GRAMD4: variants seen among roughly 807,000 people sequenced by gnomAD.
GRAMD4 encodes GRAM domain-containing protein 4.
Under a neutral mutation model 83.9 loss-of-function variants are expected in GRAMD4, and 25 were observed. The ratio of observed to expected loss-of-function variants is 0.30; its 90% CI spans 0.22 to 0.42. The LOEUF (loss-of-function observed/expected upper bound fraction) is 0.42, where lower values mean the gene tolerates loss of function less well. Ranked by LOEUF, GRAMD4 falls within the 10% of genes least tolerant of loss-of-function variation. The probability of loss-of-function intolerance (pLI) is 1.00; values close to 1 mark genes in which losing one functional copy is unlikely to be tolerated. For synonymous variants in GRAMD4, 336 were observed against 320.9 expected (o/e 1.05, Z -0.50); for missense variants, 593 against 788.7 (o/e 0.75, Z 2.97).
intron 3 of GRAMD4, among the ~76,000 whole-genome samples, chr22:46,648,002 C>G (rs1473518334): frequency 2.0e-5 from 3 of 152,252 alleles, no homozygotes; most frequent in Admixed American, 1.3e-4. Flanking sequence ...TCTGTGATTT[C>G]CAAGGGCCTG....
At chr22:46,644,697 G>GTTTTT (rs71192437) in intron 3 of GRAMD4, among the ~76,000 whole-genome samples, 4 of 97,366 alleles carry the variant, frequency 4.1e-5, no homozygotes, top group Middle Eastern at 5.4e-3. Flanking sequence ...CTTGTTCCCT[G>GTTTTT]TTTTTTTTTT....
chr22:46,655,113 C>G (rs1009783201), intron 3 of GRAMD4, among the ~76,000 whole-genome samples: 1 of 152,108 alleles, frequency 6.6e-6, no homozygotes, highest in Non-Finnish European at 1.5e-5. Context: ...GAAGCTTCCT[C>G]GGGAGCAGGG....
intron 11 of GRAMD4, among the ~76,000 whole-genome samples, 199 bp from the exon 12 acceptor site, chr22:46,668,490 G>A (rs1374351789): frequency 6.6e-6 from 1 of 151,988 alleles, no homozygotes; most frequent in Non-Finnish European, 1.5e-5. Flanking sequence ...ACTCAGGCCC[G>A]GGTCTGCTGT....
At chr22:46,666,234 G>T (rs972754717) in intron 9 of GRAMD4, among the ~76,000 whole-genome samples, 1 of 152,214 alleles carries the variant, frequency 6.6e-6, no homozygotes, top group Non-Finnish European at 1.5e-5. Flanking sequence ...GCTGAGGGGG[G>T]CTCTGGGAAG....
chr22:46,659,151 C>G lies in GRAMD4; in HGVS notation c.404+844C>G, dbSNP rs954556702. 1.3e-5 allele frequency among the ~76,000 whole-genome samples: 2 copies of G among 152,120 alleles called. No individual in the cohort carries two copies. Among genetic ancestry groups the G allele is most frequent in the African/African-American group, 4.8e-5 (2 of 41,396 alleles). ...GGCTCCCAGGCCTCCCGCTCAGCCTCCACTCCAGCAACCTCCTGCTTCGGC... is the reference window on the plus strand; with the variant it reads ...GGCTCCCAGGCCTCCCGCTCAGCCTGCACTCCAGCAACCTCCTGCTTCGGC... On this transcript the variant is annotated intron_variant, in intron 4 of 18. Transcript: ENST00000406902. The surrounding 1 kb of genome is among the most constrained non-coding windows in gnomAD (Gnocchi z 4.1).
At chr22:46,643,112 C>CATTT (rs2082001377) in intron 3 of GRAMD4, among the ~76,000 whole-genome samples, 4 of 151,396 alleles carry the variant, frequency 2.6e-5, no homozygotes, top group African/African-American at 7.3e-5. Context: ...TCCATCCATC[C>CATTT]ATCCATCCAT....
intron 1 of GRAMD4, among the ~76,000 whole-genome samples, chr22:46,602,402 G>A (rs551051185): frequency 1.3e-5 from 2 of 152,266 alleles, no homozygotes; most frequent in East Asian, 3.9e-4. Context: ...TATCGGCTGG[G>A]CACAGTGACT....
chr22:46,643,147 C>CCATG (rs2082006522), intron 3 of GRAMD4, among the ~76,000 whole-genome samples: 2 of 33,064 alleles, frequency 6.0e-5, no homozygotes, highest in Non-Finnish European at 6.7e-5. Flanking sequence ...ATCCTTCCAT[C>CCATG]CATCCATCCA....
intron 3 of GRAMD4, among the ~76,000 whole-genome samples, chr22:46,638,475 G>A (rs1177798733): frequency 6.6e-6 from 1 of 152,194 alleles, no homozygotes; most frequent in African/African-American, 2.4e-5. Context: ...GCTGGGCTTC[G>A]GACTCTGCAG....
intron 3 of GRAMD4, among the ~76,000 whole-genome samples, chr22:46,650,065 C>T (rs895715357): frequency 4.6e-5 from 7 of 152,130 alleles, no homozygotes; most frequent in African/African-American, 9.7e-5. Context: ...TGCGGGCCTC[C>T]GGGGATGCGG....
At chr22:46,616,024 T>TGGTTCCCCCGTGTTTCCCCTGTGCGTGTC (rs2081483784), upstream of GRAMD4, among the ~76,000 whole-genome samples, 1 of 28,768 alleles carries the variant, frequency 3.5e-5, no homozygotes, top group Non-Finnish European at 7.2e-5. Flanking sequence ...CTGTGCGTGT[T>TGGTTCCCCCGTGTTTCCCCTGTGCGTGTC]GGTTCCCCCA....
intron 1 of GRAMD4, among the ~76,000 whole-genome samples, chr22:46,600,544 CA>C (rs2081302554): frequency 6.6e-6 from 1 of 152,166 alleles, no homozygotes; most frequent in South Asian, 2.1e-4. Context: ...GGGTCCTTAC[CA>C]AAAGAGGGAC....
intron 1 of GRAMD4, chr22:46,577,336 C>T (rs1406650798): frequency 4.1e-6 from 4 of 975,608 alleles, no homozygotes; most frequent in Non-Finnish European, 4.9e-6. Context: ...CTGGTTGCCC[C>T]GCGACCACTC....
In GRAMD4 at chr22:46,581,961, C is replaced by T. The variant is rs576789559; in HGVS notation, c.-50+4671C>T. ...AGAGCTGGCTCTGGCCTGAGATGGC[C>T]GCGTCTGCACCACCTCCCACAGGGA... On this transcript the variant is annotated intron_variant, in intron 1 of 1. Transcript: ENST00000431155. Among the ~76,000 whole-genome samples, 73 of 152,280 alleles carry T rather than the reference C, an allele frequency of 4.8e-4. 1 individual carries two copies. The highest frequency in any genetic ancestry group is 1.5e-3 in the African/African-American group (63 of 41,546).
intron 2 of GRAMD4, among the ~76,000 whole-genome samples, chr22:46,636,172 G>C (rs1168695151): frequency 6.6e-6 from 1 of 152,206 alleles, no homozygotes; most frequent in Non-Finnish European, 1.5e-5. Flanking sequence ...CACAGGTGGG[G>C]TTGTGTGACC....
chr22:46,673,944 A>G, intron 15 of GRAMD4, 130 bp downstream of exon 15: 2 of 974,378 alleles, frequency 2.1e-6, no homozygotes, highest in South Asian at 2.9e-5. Context: ...TGGCATTCAC[A>G]TCCCACTGCC....
At chr22:46,628,182 G>A (rs928114251) in intron 2 of GRAMD4, among the ~76,000 whole-genome samples, 3 of 152,176 alleles carry the variant, frequency 2.0e-5, no homozygotes, top group Non-Finnish European at 2.9e-5. Context: ...GAGGGGTGAC[G>A]GGGATTCCAC....
chr22:46,599,684 G>C (rs896027191), intron 1 of GRAMD4, among the ~76,000 whole-genome samples: 4 of 152,184 alleles, frequency 2.6e-5, no homozygotes, highest in Non-Finnish European at 5.9e-5. Context: ...CTAGCAACCT[G>C]CATTTAATGT....
At chr22:46,609,151 G>A (rs7290556) in intron 1 of GRAMD4, among the ~76,000 whole-genome samples, 9 of 150,200 alleles carry the variant, frequency 6.0e-5, no homozygotes, top group African/African-American at 2.2e-4. Flanking sequence ...ATTTTTTTTT[G>A]TTTTTTCTTG....
Sources: gnomAD v4.1 joint callset for allele counts (sites outside exome capture counted in the v4.1 genomes callset) on GRCh38, gnomAD v4.1.1 for gene constraint, Gnocchi (gnomAD v3.1) non-coding constraint, MANE v1.5 for transcripts, NCBI Gene and HGNC (gene_info 2026-07-23, HGNC 2026-07-21) for gene names.